The following SLC2A9 variants were observed in gnomAD, a reference collection of about 807,000 sequenced individuals.
SLC2A9 encodes solute carrier family 2, facilitated glucose transporter member 9.
A neutral mutation model predicts 50.6 loss-of-function variants in SLC2A9; 39 were observed. That is an observed-to-expected ratio of 0.77 (90% confidence interval 0.60 to 1.01). The LOEUF is 1.01. SLC2A9 is among the 50% of genes least tolerant of loss of function. The pLI is 0.00. For missense variants in SLC2A9, 686 were observed against 677.6 expected, an observed-to-expected ratio of 1.01 and a Z score of -0.14; for synonymous variants, 324 against 276.9, an observed-to-expected ratio of 1.17 and a Z score of -1.69.
At chr4:9,774,259 C>T (rs1717222863) in intron 1 of SLC2A9, among the ~76,000 whole-genome samples, 1 of 151,970 alleles carries the variant, frequency 6.6e-6, no homozygotes, top group South Asian at 2.1e-4. Context: ...CCCTAAAGTG[C>T]TGGGATTAAA....
intron 8 of SLC2A9, among the ~76,000 whole-genome samples, chr4:9,893,536 TA>T (rs1386649712): frequency 3.8e-5 from 5 of 131,844 alleles, no homozygotes; most frequent in African/African-American, 1.2e-4. Flanking sequence ...GAAAGAGAGA[TA>T]GGGGGAGGCA....
chr4:10,000,173 T>C (rs1398845858), intron 2 of SLC2A9, among the ~76,000 whole-genome samples: 1 of 152,190 alleles, frequency 6.6e-6, no homozygotes, highest in African/African-American at 2.4e-5. Flanking sequence ...ATATTATCAA[T>C]AGCTACAGCT....
chr4:9,831,625 A>G (rs1369382127), intron 11 of SLC2A9, among the ~76,000 whole-genome samples: 2 of 152,150 alleles, frequency 1.3e-5, no homozygotes, highest in African/African-American at 4.8e-5. Flanking sequence ...GAGAGAGAAA[A>G]CCAGAGCTGT....
intron 1 of SLC2A9, among the ~76,000 whole-genome samples, chr4:9,772,950 C>A (rs1010183734): frequency 1.3e-5 from 2 of 152,026 alleles, no homozygotes; most frequent in Non-Finnish European, 2.9e-5. Flanking sequence ...AAAGATGAGG[C>A]AACTGAGGCT....
intron 5 of SLC2A9, among the ~76,000 whole-genome samples, chr4:9,967,860 G>A (rs1001689447): frequency 5.3e-5 from 8 of 151,926 alleles, no homozygotes; most frequent in Non-Finnish European, 7.4e-5. Flanking sequence ...TGAAAGTTAC[G>A]AAAGTCTGTG....
chr4:9,829,034 G>T (rs914885652), intron 11 of SLC2A9, among the ~76,000 whole-genome samples: 23 of 152,172 alleles, frequency 1.5e-4, no homozygotes, highest in African/African-American at 4.6e-4. Context: ...GCTGCCTCTT[G>T]CTTGGCTTTC....
chr4:9,943,591 C>T (rs1748578391), intron 5 of SLC2A9, among the ~76,000 whole-genome samples: 1 of 151,914 alleles, frequency 6.6e-6, no homozygotes, highest in South Asian at 2.1e-4. Flanking sequence ...GATGGTGGCC[C>T]GACTCCGTGA....
intron 3 of SLC2A9, among the ~76,000 whole-genome samples, chr4:9,989,129 T>C (rs1207210223): frequency 6.6e-6 from 1 of 152,238 alleles, no homozygotes. Flanking sequence ...CGTTCCTGCA[T>C]ACCCAGCTTG....
At chr4:9,805,365 T>C (rs372685236) in intron 3 of SLC2A9, among the ~76,000 whole-genome samples, 3 of 152,208 alleles carry the variant, frequency 2.0e-5, no homozygotes, top group Non-Finnish European at 4.4e-5. Context: ...CTGTGTTTCA[T>C]TGGCTAAGCA....
intron 10 of SLC2A9, among the ~76,000 whole-genome samples, chr4:9,860,468 A>C (rs1731432223): frequency 6.6e-6 from 1 of 152,240 alleles, no homozygotes; most frequent in South Asian, 2.1e-4. Context: ...AGTATTTAGA[A>C]ATGAATTAAC....
intron 5 of SLC2A9, among the ~76,000 whole-genome samples, chr4:9,963,430 G>A (rs1752584126): frequency 1.3e-5 from 2 of 152,182 alleles, no homozygotes; most frequent in South Asian, 4.1e-4. Flanking sequence ...CACATTGAGG[G>A]GGTAGCTCAA....
chr4:9,802,761 C>T (rs1721622641), intron 3 of SLC2A9, among the ~76,000 whole-genome samples: 1 of 151,956 alleles, frequency 6.6e-6, no homozygotes, highest in African/African-American at 2.4e-5. Context: ...TGGAGTTTCA[C>T]CATGTTGGCC....
chr4:10,035,629 G>C (rs1764076359), intron 1 of SLC2A9: 1 of 152,258 alleles, frequency 6.6e-6, no homozygotes, highest in Admixed American at 6.5e-5. Flanking sequence ...TTTGGGGTGT[G>C]TCTGTGACGG....
intron 3 of SLC2A9, among the ~76,000 whole-genome samples, chr4:9,988,854 G>C (rs1304471661): frequency 2.6e-5 from 4 of 152,248 alleles, no homozygotes; most frequent in African/African-American, 9.6e-5. Context: ...GCCTGGACAA[G>C]AGGTCAGAGA....
intron 6 of SLC2A9, among the ~76,000 whole-genome samples, chr4:9,927,268 T>C (rs1023559297): frequency 5.3e-5 from 8 of 152,186 alleles, no homozygotes; most frequent in Admixed American, 1.3e-4. Flanking sequence ...CCACCCGCGT[T>C]GGCCTCCCAA....
intron 11 of SLC2A9, among the ~76,000 whole-genome samples, chr4:9,832,487 C>T (rs907874346): frequency 1.3e-5 from 2 of 152,122 alleles, no homozygotes; most frequent in African/African-American, 2.4e-5. Flanking sequence ...GTTCCTGCTC[C>T]GATGAAGGTT....
intron 1 of SLC2A9, among the ~76,000 whole-genome samples, chr4:10,029,905 G>A (rs1191929951): frequency 2.0e-5 from 3 of 152,036 alleles, no homozygotes; most frequent in African/African-American, 7.2e-5. Flanking sequence ...CAAAGTGCTG[G>A]GATTACAGGT....
chr4:9,855,361 T>TA (rs1052952247), intron 10 of SLC2A9, among the ~76,000 whole-genome samples: 7 of 152,044 alleles, frequency 4.6e-5, no homozygotes, highest in African/African-American at 1.7e-4. Context: ...CCATTAACAA[T>TA]AACCACACAA....
At chr4:9,773,514 T>C (rs528302977) in intron 1 of SLC2A9, among the ~76,000 whole-genome samples, 1 of 152,224 alleles carries the variant, frequency 6.6e-6, no homozygotes, top group African/African-American at 2.4e-5. Flanking sequence ...TGAGTTCAAA[T>C]AGAAGAATAT....
Sources: allele counts gnomAD v4.1 joint callset (sites outside exome capture counted in the v4.1 genomes callset), GRCh38; gene constraint gnomAD v4.1.1; transcripts MANE v1.5; gene names NCBI Gene and HGNC (gene_info 2026-07-23, HGNC 2026-07-21).